Variants in ASAP2 observed in about 807,000 individuals in gnomAD.
ASAP2 encodes the protein arf-GAP with SH3 domain, ANK repeat and PH domain-containing protein 2.
ASAP2 carries 45 observed loss-of-function variants against 131.4 expected under a neutral mutation model. That is an observed-to-expected ratio of 0.34 (90% CI 0.27 to 0.44). The LOEUF (loss-of-function observed/expected upper bound fraction) is 0.44. Among genes scored for constraint, ASAP2 ranks in the 20% least tolerant of loss-of-function variants. ASAP2 has a pLI of 1.00. For synonymous variants in ASAP2, 510 were observed against 503.0 expected, an observed-to-expected ratio of 1.01 and a Z score of -0.19; for missense variants, 1,011 against 1,297.0, an observed-to-expected ratio of 0.78 and a Z score of 3.39.
chr2:9,385,438 C>A, intron 21 of ASAP2, 80 bp downstream of exon 21: 1 of 1,089,612 alleles, frequency 9.2e-7, no homozygotes, highest in Non-Finnish European at 1.4e-6. Context: ...GTAATTAAGG[C>A]AGAAAGCTGT....
chr2:9,344,901 A>T (rs540952400), intron 11 of ASAP2, 101 bp downstream of exon 11: 98 of 1,023,550 alleles, frequency 9.6e-5, no homozygotes, highest in Admixed American at 5.7e-4. Flanking sequence ...TCCGTGTGTG[A>T]TGGTATTAAG....
chr2:9,242,120 G>A (rs967932868), intron 1 of ASAP2, among the ~76,000 whole-genome samples: 1 of 152,174 alleles, frequency 6.6e-6, no homozygotes, highest in African/African-American at 2.4e-5. Context: ...TTGGAAGAGA[G>A]GGGGGAGGTC....
chr2:9,335,266 A>T (rs898456115), intron 9 of ASAP2, 87 bp downstream of exon 9: 26 of 1,158,322 alleles, frequency 2.2e-5, no homozygotes, highest in Non-Finnish European at 3.4e-5. Context: ...CATGTCTTCT[A>T]GGAGCTCACA....
At chr2:9,324,949 T>C (rs1189678628) in intron 6 of ASAP2, among the ~76,000 whole-genome samples, 1 of 152,216 alleles carries the variant, frequency 6.6e-6, no homozygotes. Flanking sequence ...TTTACTTCTG[T>C]TATTTTACTT....
chr2:9,288,684 C>G (rs192046818), intron 2 of ASAP2, among the ~76,000 whole-genome samples: 2 of 152,234 alleles, frequency 1.3e-5, no homozygotes, highest in African/African-American at 4.8e-5. Flanking sequence ...AGCTTGTACT[C>G]CCCATACAAC....
intron 16 of ASAP2, 126 bp downstream of exon 16, chr2:9,368,645 T>A: frequency 1.3e-6 from 1 of 742,272 alleles, no homozygotes; most frequent in Non-Finnish European, 2.2e-6. Flanking sequence ...TAAATCAGCC[T>A]ATGTTGGGTT....
At chr2:9,238,746 A>G (rs1160756083) in intron 1 of ASAP2, among the ~76,000 whole-genome samples, 1 of 152,118 alleles carries the variant, frequency 6.6e-6, no homozygotes, top group East Asian at 1.9e-4. Flanking sequence ...CACTTTGATG[A>G]ATCTTACAAA....
At chr2:9,366,148 T>C (rs1673457827) in intron 15 of ASAP2, among the ~76,000 whole-genome samples, 1 of 152,162 alleles carries the variant, frequency 6.6e-6, no homozygotes, top group Non-Finnish European at 1.5e-5. Flanking sequence ...CTCTATGGGC[T>C]GAAACGTAAA....
chr2:9,344,296 C>G (rs1374752052), intron 9 of ASAP2, among the ~76,000 whole-genome samples: 1 of 152,246 alleles, frequency 6.6e-6, no homozygotes. Context: ...ATTCCTTCAG[C>G]CAGTTTGGGA....
intron 11 of ASAP2, among the ~76,000 whole-genome samples, chr2:9,348,122 G>C (rs1463724642): frequency 6.6e-6 from 1 of 151,666 alleles, no homozygotes; most frequent in Non-Finnish European, 1.5e-5. Context: ...TTGTCTGTTT[G>C]TTTGTTTGTT....
chr2:9,323,514 C>T (rs769683100), intron 6 of ASAP2, among the ~76,000 whole-genome samples: 4 of 152,184 alleles, frequency 2.6e-5, no homozygotes, highest in Non-Finnish European at 5.9e-5. Context: ...GCTTCACGTA[C>T]GTACTCTTGC....
chr2:9,343,028 A>T (rs1237574174), intron 9 of ASAP2, among the ~76,000 whole-genome samples: 1 of 151,866 alleles, frequency 6.6e-6, no homozygotes, highest in Admixed American at 6.6e-5. Flanking sequence ...TAGTTCTTTC[A>T]TCGTTTGGGG....
At chr2:9,286,505 C>G (rs762105675) in intron 2 of ASAP2, among the ~76,000 whole-genome samples, 2 of 151,472 alleles carry the variant, frequency 1.3e-5, no homozygotes, top group Admixed American at 1.3e-4. Context: ...ATAACAAAAT[C>G]AGAATAATCT....
intron 1 of ASAP2, among the ~76,000 whole-genome samples, chr2:9,216,384 T>C (rs1199694230): frequency 6.7e-6 from 1 of 150,194 alleles, no homozygotes; most frequent in Non-Finnish European, 1.5e-5. Context: ...CCTCCTGGGC[T>C]CAAGCGATCC....
At chr2:9,397,748 A>T (rs924128517) in intron 24 of ASAP2, among the ~76,000 whole-genome samples, 2,891 of 65,622 alleles carry the variant, frequency 0.044, 174 homozygotes, top group African/African-American at 0.098. Context: ...ATATATATAT[A>T]TATTTTTTTT....
chr2:9,319,798 A>G (rs1177512679), intron 4 of ASAP2, among the ~76,000 whole-genome samples: 1 of 152,238 alleles, frequency 6.6e-6, no homozygotes, highest in Non-Finnish European at 1.5e-5. Context: ...GAAGTCCTGA[A>G]TTGCACACGG....
At chr2:9,314,508 A>G (rs1669516059) in intron 3 of ASAP2, among the ~76,000 whole-genome samples, 3 of 152,240 alleles carry the variant, frequency 2.0e-5, no homozygotes, top group African/African-American at 7.2e-5. Flanking sequence ...TTAAGCCTCT[A>G]TTCTAGGCCA....
rs1662112364 is a variant in ASAP2, at chr2:9,217,206, T to A, written c.126+9976T>A. On this transcript the variant is annotated intron_variant, in intron 1 of 27. Transcript: ENST00000281419. This position sits in a 1 kb window ranked among gnomAD's most constrained non-coding sequence, Gnocchi z 4.0. ...CCAGCATGCCCTCCCTTGCTGTTAG[T>A]GTTAGAAAGTTGCAGCTATTGCATT... Among the ~76,000 whole-genome samples the A allele has an allele frequency of 6.6e-6, 1 of 152,138 alleles. No homozygotes were observed. The highest frequency in any genetic ancestry group is 2.4e-5 in the African/African-American group (1 of 41,436).
chr2:9,313,944 T>C (rs1330279451), intron 3 of ASAP2, among the ~76,000 whole-genome samples: 1 of 152,194 alleles, frequency 6.6e-6, no homozygotes, highest in African/African-American at 2.4e-5. Flanking sequence ...ATTCTTCCTC[T>C]GAAAGGGCAG....
Sources: allele counts gnomAD v4.1 joint callset (sites outside exome capture counted in the v4.1 genomes callset), GRCh38; gene constraint gnomAD v4.1.1; non-coding constraint Gnocchi (gnomAD v3.1); transcripts MANE v1.5; gene names NCBI Gene and HGNC (gene_info 2026-07-23, HGNC 2026-07-21).